COL12A1: variants seen among roughly 807,000 people sequenced by gnomAD.
COL12A1 encodes collagen type XII alpha 1 chain, also known as collagen alpha-1(XII) chain.
COL12A1 carries 114 observed loss-of-function variants against 349.7 expected under a neutral mutation model. That is an observed-to-expected ratio of 0.33 (90% confidence interval 0.28 to 0.38). The LOEUF is 0.38. COL12A1 is among the 10% of genes least tolerant of loss of function. The probability of loss-of-function intolerance (pLI) is 1.00; values close to 1 mark genes in which losing one functional copy is unlikely to be tolerated. For synonymous variants in COL12A1, 1,369 were observed against 1,329.0 expected (o/e 1.03, Z -0.66); for missense variants, 3,284 against 3,756.9 (o/e 0.87, Z 3.29).
intron 14 of COL12A1, among the ~76,000 whole-genome samples, chr6:75,161,507 C>T (rs1404933056): frequency 1.3e-5 from 2 of 152,076 alleles, no homozygotes; most frequent in Non-Finnish European, 2.9e-5. Context: ...ATTCCTGCCA[C>T]GTCTGCTCCT....
chr6:75,146,302 A>G, intron 23 of COL12A1, 58 bp from the exon 24 acceptor site: 4 of 1,496,162 alleles, frequency 2.7e-6, no homozygotes, highest in Non-Finnish European at 3.6e-6. Flanking sequence ...CTCATTTTTA[A>G]CCATTGTTTT....
chr6:75,124,163 A>C (rs542658037), intron 41 of COL12A1, 69 bp from the exon 42 acceptor site: 13 of 1,594,352 alleles, frequency 8.2e-6, no homozygotes, highest in East Asian at 2.2e-5. Context: ...TTTATATCGC[A>C]TTGTTATAAA....
rs1765845250 is a variant in COL12A1, at chr6:75,123,369, TG to T, written c.6906del (p.Thr2303HisfsTer25). 6.2e-7 allele frequency: 1 copy of T among 1,603,044 alleles called. No individual in the cohort carries two copies. Among genetic ancestry groups the T allele is most frequent in the Admixed American group, 1.7e-5 (1 of 58,862 alleles). On this transcript the variant is annotated frameshift_variant, in exon 43 of 66. Transcript: ENST00000322507. LOFTEE classifies it high-confidence loss of function. ...GGAATGGTGGGAGGGGGAGGAGGTG[TG>T]GGTGGCTCTGTAGGGGCTTCTGTTG... ...VKPTEAPTEP[P>X]TPPPPPTIPP... is the part of the protein sequence containing the mutation.
Position 75,123,383 on chromosome 6 carries a change from G to A in COL12A1, c.6893C>T (p.Pro2298Leu), listed in dbSNP as rs1469257746. The A allele has an allele frequency of 1.3e-6, 2 of 1,596,116 alleles. No individual in the cohort carries two copies. Among genetic ancestry groups the A allele is most frequent in the Non-Finnish European group, 1.7e-6 (2 of 1,170,732 alleles). ...EHTTVKPTEAPTEPPTPPPPP... is the reference protein window; with the variant it reads ...EHTTVKPTEALTEPPTPPPPP... ...GGGAGGAGGTGTGGGTGGCTCTGTA[G>A]GGGCTTCTGTTGGTTTCACAGCTAA... Residue 2298 changes from proline to leucine, a missense_variant, in exon 43 of 66, where the codon CCT becomes CTT. Physicochemically the swap from Pro to Leu is moderately conservative, Grantham distance 98 (BLOSUM62 -3). Coordinates refer to ENST00000322507, the MANE Select transcript of COL12A1 (RefSeq NM_004370.6).
intron 58 of COL12A1, 35 bp from the exon 59 acceptor site, chr6:75,097,341 G>A: frequency 1.9e-6 from 3 of 1,570,190 alleles, no homozygotes; most frequent in Non-Finnish European, 2.6e-6. Context: ...CAGTTAGGGA[G>A]GTCATAAGCA....
intron 45 of COL12A1, 76 bp downstream of exon 45, chr6:75,119,274 G>T (rs1276474156): frequency 1.4e-5 from 22 of 1,607,722 alleles, no homozygotes; most frequent in Non-Finnish European, 1.7e-5. Context: ...TAAGAATCTG[G>T]ATATCAGCAT....
rs1225234004 is a variant in COL12A1, at chr6:75,175,242, C to G, written c.2506G>C (p.Gly836Arg). ...TACTGTTTCACTTTTCCTGGTGCCCCACTCCAAGATAATTTCATAGTAGAC... is the reference window on the plus strand; with the variant it reads ...TACTGTTTCACTTTTCCTGGTGCCCGACTCCAAGATAATTTCATAGTAGAC... ...TTSTMKLSWS[G>R]APGKVKQYLV... Residue 836 changes from glycine to arginine, a missense_variant, in exon 13 of 66, where the codon GGG becomes CGG. Gly to Arg is a moderately radical substitution (Grantham distance 125). Around this residue, in one of 2 missense-constraint regions of COL12A1, gnomAD observed 2,601 missense variants for 2,824.8 expected, o/e 0.92. Transcript: ENST00000322507. 6.2e-7 allele frequency: 1 copy of G among 1,614,086 alleles called. No homozygotes were observed. The highest frequency in any genetic ancestry group is 1.3e-5 in the African/African-American group (1 of 74,918).
chr6:75,196,777 A>C lies in COL12A1; in HGVS notation c.74-1830T>G, dbSNP rs113777670. Among the ~76,000 whole-genome samples, 92 of 152,372 alleles carry C rather than the reference A, an allele frequency of 6.0e-4. 1 individual carries two copies. The highest frequency in any genetic ancestry group is 2.1e-3 in the African/African-American group (87 of 41,588). ...CACTGGCCTGAGCATGCTTTTAAAAAAAATCAGTACATGGAAAAACAGTAC... is the reference window on the plus strand; with the variant it reads ...CACTGGCCTGAGCATGCTTTTAAAACAAATCAGTACATGGAAAAACAGTAC... On this transcript the variant is annotated intron_variant, in intron 2 of 65. Coordinates refer to ENST00000322507, the MANE Select transcript of COL12A1 (RefSeq NM_004370.6).
chr6:75,151,086 A>AAAT, intron 21 of COL12A1, 55 bp downstream of exon 21: 2 of 429,818 alleles, frequency 4.7e-6, no homozygotes, highest in South Asian at 3.8e-5. Flanking sequence ...AAGAATAATT[A>AAAT]TTTGGCCCAA....
At chr6:75,197,631 A>G (rs1207679163) in intron 2 of COL12A1, among the ~76,000 whole-genome samples, 1 of 152,122 alleles carries the variant, frequency 6.6e-6, no homozygotes, top group Admixed American at 6.5e-5. Context: ...TCAATTATGC[A>G]CTAGCTGCAT....
intron 14 of COL12A1, among the ~76,000 whole-genome samples, chr6:75,159,084 C>T (rs1186004625): frequency 3.3e-5 from 5 of 151,506 alleles, no homozygotes; most frequent in Admixed American, 2.6e-4. Flanking sequence ...AATTAAATTG[C>T]TTAAAATTAG....
In COL12A1 at chr6:75,090,344, C is replaced by T. The variant is rs574985854; in HGVS notation, c.8753-46G>A. On this transcript the variant is annotated intron_variant, in intron 62 of 65. Coordinates refer to ENST00000322507, the MANE Select transcript of COL12A1 (RefSeq NM_004370.6). This position sits in a 1 kb window ranked among gnomAD's most constrained non-coding sequence, Gnocchi z 4.1. The stretch of plus-strand genomic sequence containing the variant: ...TGTTAGTAAGAAACCCAATAAAGGA[C>T]GGATGAGAGAGTGAAACTGTTTTCT... 75 of 1,545,378 alleles carry T rather than the reference C, an allele frequency of 4.9e-5. No individual in the cohort carries two copies. The South Asian group carries it at 6.5e-4, about 13-fold the overall frequency.
At chr6:75,092,650 A>G (rs1309096051) in intron 60 of COL12A1, among the ~76,000 whole-genome samples, 1 of 151,052 alleles carries the variant, frequency 6.6e-6, no homozygotes, top group Non-Finnish European at 1.5e-5. Context: ...AACTACTCCA[A>G]TACCCTCCTA....
chr6:75,099,612 T>G (rs965974957), intron 58 of COL12A1, among the ~76,000 whole-genome samples: 1 of 151,314 alleles, frequency 6.6e-6, no homozygotes, highest in South Asian at 2.1e-4. Context: ...CTGCAGAACT[T>G]TGTGCCACAA....
At chr6:75,182,163 T>C (rs114697282) in intron 10 of COL12A1, among the ~76,000 whole-genome samples, 1,949 of 151,462 alleles carry the variant, frequency 0.013, 39 homozygotes, top group African/African-American at 0.045. Flanking sequence ...GATAGCATGA[T>C]AGTGCTAGGA....
chr6:75,161,531 C>T (rs1768027209), intron 14 of COL12A1, among the ~76,000 whole-genome samples: 2 of 151,712 alleles, frequency 1.3e-5, no homozygotes, highest in Admixed American at 1.3e-4. Context: ...TCAAAAGAGG[C>T]CTCCCACAGC....
Position 75,102,600 on chromosome 6 carries a change from C to A in COL12A1, c.8412G>T (p.Glu2804Asp). The A allele has an allele frequency of 6.5e-7, 1 of 1,532,648 alleles. No homozygotes were observed. Among genetic ancestry groups the A allele is most frequent in the Non-Finnish European group, 8.8e-7 (1 of 1,142,772 alleles). The allele number at this position is 1,532,648 out of a possible 1,614,324, so 94.9% of individuals were successfully genotyped here. Residue 2804 changes from glutamate to aspartate, a missense_variant, in exon 56 of 66, where the codon GAG becomes GAT. This residue lies in a region of COL12A1 where 683 missense variants were observed against 932.1 expected (regional missense o/e 0.73). Coordinates refer to ENST00000322507, the MANE Select transcript of COL12A1 (RefSeq NM_004370.6). ...TACAGAAAGGCTTTGTGCTTACTTG[C>A]TCTCCCGGAATAGAGAGTCCATTGG... ...QGPNGLSIPG[E>D]QGRQGMKGDA...
Position 75,188,385 on chromosome 6 carries a change from C to T in COL12A1, c.974G>A (p.Gly325Asp), listed in dbSNP as rs776914145. The part of the protein sequence containing the change: ...QVCSGVDEQL[G>D]ELVSGEEVVE... Reference sequence around the variant, plus strand: ...ACCTTCTTCTCCACTAACCAATTCACCAAGTTGTTCATCAACACCTGAGCA... The same window carrying T: ...ACCTTCTTCTCCACTAACCAATTCATCAAGTTGTTCATCAACACCTGAGCA... Residue 325 changes from glycine (G) to aspartate (D), a missense_variant, in exon 8 of 66, where the codon GGT (glycine) becomes GAT (aspartate). Gly to Asp is a moderately conservative substitution (Grantham distance 94). Transcript: ENST00000322507. 9 of 1,613,038 alleles carry T rather than the reference C, an allele frequency of 5.6e-6. No homozygotes were observed. The African/African-American group carries it at 1.2e-4, about 22-fold the overall frequency.
chr6:75,134,395 C>A (rs928015210), intron 32 of COL12A1, among the ~76,000 whole-genome samples: 1 of 151,916 alleles, frequency 6.6e-6, no homozygotes, highest in Non-Finnish European at 1.5e-5. Context: ...CATGGTGAAA[C>A]CCCATCTGTA....
Sources: gnomAD v4.1 joint callset for allele counts (sites outside exome capture counted in the v4.1 genomes callset) on GRCh38, gnomAD v4.1.1 for gene constraint, gnomAD v4.1.1 regional missense constraint, Gnocchi (gnomAD v3.1) non-coding constraint, MANE v1.5 for transcripts, NCBI Gene and HGNC (gene_info 2026-07-23, HGNC 2026-07-21) for gene names.